SCHIP1: variants seen among roughly 807,000 people sequenced by gnomAD.
SCHIP1 encodes schwannomin interacting protein 1, also known as schwannomin-interacting protein 1.
SCHIP1 carries 8 observed loss-of-function variants against 29.7 expected under a neutral mutation model. The observed-to-expected ratio is 0.27, with a 90% confidence interval of 0.16 to 0.49. The LOEUF (loss-of-function observed/expected upper bound fraction) is 0.49, where lower values mean the gene tolerates loss of function less well. Among genes scored for constraint, SCHIP1 ranks in the 20% least tolerant of loss-of-function variants. SCHIP1 has a pLI of 0.99. For missense variants in SCHIP1, 193 were observed against 294.6 expected, an observed-to-expected ratio of 0.66 and a Z score of 2.52; for synonymous variants, 76 against 94.9, an observed-to-expected ratio of 0.80 and a Z score of 1.16.
At chr3:159,827,858 A>G in the SCHIP1 span, among the ~76,000 whole-genome samples, 1 of 152,030 alleles carries the variant, frequency 6.6e-6, no homozygotes, top group Non-Finnish European at 1.5e-5. Context: ...ATTTTTTTAA[A>G]TAGTAACTCT....
At chr3:159,585,226 A>G in the SCHIP1 span, among the ~76,000 whole-genome samples, 1 of 152,030 alleles carries the variant, frequency 6.6e-6, no homozygotes, top group African/African-American at 2.4e-5. Flanking sequence ...CAAGGGCAAC[A>G]ATCTTTGCTT....
At chr3:159,487,380 A>T in the SCHIP1 span, among the ~76,000 whole-genome samples, 1 of 151,966 alleles carries the variant, frequency 6.6e-6, no homozygotes, top group Non-Finnish European at 1.5e-5. Flanking sequence ...TGTCTCCCTC[A>T]GGAGACAAAC....
chr3:159,325,220 A>T, the SCHIP1 span, among the ~76,000 whole-genome samples: 8 of 152,066 alleles, frequency 5.3e-5, no homozygotes, highest in Non-Finnish European at 1.0e-4. Flanking sequence ...AATTAGCAGT[A>T]TTTTTCCATA....
chr3:159,588,254 G>A, the SCHIP1 span, among the ~76,000 whole-genome samples: 1 of 152,296 alleles, frequency 6.6e-6, no homozygotes, highest in African/African-American at 2.4e-5. Context: ...TCTGTTGGCT[G>A]CATAAATGTC....
At chr3:159,380,052 A>G in the SCHIP1 span, among the ~76,000 whole-genome samples, 1 of 152,216 alleles carries the variant, frequency 6.6e-6, no homozygotes, top group Admixed American at 6.5e-5. Context: ...AAATGTAACA[A>G]TGTTAGAGAA....
chr3:159,472,340 G>C, the SCHIP1 span, among the ~76,000 whole-genome samples: 1 of 152,132 alleles, frequency 6.6e-6, no homozygotes, highest in Non-Finnish European at 1.5e-5. Flanking sequence ...ACCCTGTTGT[G>C]TGATAGCTCA....
chr3:159,656,395 T>C, the SCHIP1 span, among the ~76,000 whole-genome samples: 6 of 152,246 alleles, frequency 3.9e-5, no homozygotes, highest in African/African-American at 1.4e-4. Flanking sequence ...ATGTTCTTCT[T>C]GCTGCCCCCA....
chr3:159,291,629 A>G, the SCHIP1 span, among the ~76,000 whole-genome samples: 6 of 152,184 alleles, frequency 3.9e-5, no homozygotes, highest in African/African-American at 1.2e-4. Context: ...TTATTCATCA[A>G]TCTCAGCATC....
At chr3:159,522,872 G>C in the SCHIP1 span, among the ~76,000 whole-genome samples, 1 of 151,586 alleles carries the variant, frequency 6.6e-6, no homozygotes, top group African/African-American at 2.4e-5. Context: ...TGTCTCAAAA[G>C]ACAAAAACAA....
chr3:159,697,257 GA>G, the SCHIP1 span, among the ~76,000 whole-genome samples: 2 of 152,172 alleles, frequency 1.3e-5, no homozygotes, highest in Admixed American at 1.3e-4. Flanking sequence ...AGACATGAGG[GA>G]GAAGAAAGAC....
At chr3:159,754,365 G>C in the SCHIP1 span, among the ~76,000 whole-genome samples, 38 of 152,178 alleles carry the variant, frequency 2.5e-4, no homozygotes, top group African/African-American at 8.9e-4. Context: ...CATTGTTATT[G>C]AAATTTTTCT....
At chr3:159,401,424 T>C in the SCHIP1 span, 1 of 909,646 alleles carries the variant, frequency 1.1e-6, no homozygotes, top group Non-Finnish European at 1.3e-6. Context: ...GTAATAAAAA[T>C]AGCTACCAGT....
the SCHIP1 span, among the ~76,000 whole-genome samples, chr3:159,717,261 T>C: frequency 9.2e-5 from 14 of 152,276 alleles, 1 homozygote; most frequent in African/African-American, 3.1e-4. Flanking sequence ...TAGCACTAAA[T>C]GCCCACAAGA....
chr3:159,292,067 A>G, the SCHIP1 span, among the ~76,000 whole-genome samples: 1 of 152,282 alleles, frequency 6.6e-6, no homozygotes, highest in Middle Eastern at 3.4e-3. Flanking sequence ...AGTTGTATTG[A>G]TGACAACATA....
the SCHIP1 span, among the ~76,000 whole-genome samples, chr3:159,680,674 A>ATAT: frequency 6.3e-5 from 5 of 79,608 alleles, no homozygotes; most frequent in African/African-American, 1.2e-4. Flanking sequence ...TATATATTAT[A>ATAT]TATATAATAT....
chr3:159,711,994 A>C, the SCHIP1 span, among the ~76,000 whole-genome samples: 1 of 151,782 alleles, frequency 6.6e-6, no homozygotes. Context: ...TGCTTCACCC[A>C]TCCAGGGTCA....
chr3:159,834,053 G>A, the SCHIP1 span, among the ~76,000 whole-genome samples: 2 of 151,764 alleles, frequency 1.3e-5, no homozygotes, highest in South Asian at 4.2e-4. Context: ...TTAATTAGGA[G>A]AAGAAAACAT....
chr3:159,397,911 C>A, the SCHIP1 span, among the ~76,000 whole-genome samples: 1 of 152,202 alleles, frequency 6.6e-6, no homozygotes. Context: ...ATGGCATGCA[C>A]CCCTCCCCCA....
the SCHIP1 span, among the ~76,000 whole-genome samples, chr3:159,621,320 C>T: frequency 2.6e-5 from 4 of 152,364 alleles, no homozygotes; most frequent in East Asian, 7.7e-4. Flanking sequence ...GGAAATTCAA[C>T]AATTTCAAGC....
Sources: gnomAD v4.1 joint callset for allele counts (sites outside exome capture counted in the v4.1 genomes callset) on GRCh38, gnomAD v4.1.1 for gene constraint, MANE v1.5 for transcripts, NCBI Gene and HGNC (gene_info 2026-07-23, HGNC 2026-07-21) for gene names.